Variants in GRIK4 observed in about 807,000 individuals in gnomAD.
GRIK4 encodes glutamate receptor ionotropic, kainate 4.
GRIK4 carries 40 observed loss-of-function variants against 104.9 expected under a neutral mutation model. That is an observed-to-expected ratio of 0.38 (90% confidence interval 0.30 to 0.50). GRIK4 has a LOEUF of 0.50. Ranked by LOEUF, GRIK4 falls within the 20% of genes least tolerant of loss-of-function variation. The pLI, the probability that GRIK4 is intolerant of heterozygous loss-of-function variation, is 0.93. For missense variants in GRIK4, 1,047 were observed against 1,308.1 expected, an observed-to-expected ratio of 0.80 and a Z score of 3.08; for synonymous variants, 485 against 524.9, an observed-to-expected ratio of 0.92 and a Z score of 1.04.
chr11:120,874,979 T>A lies in GRIK4; in HGVS notation c.1060-160T>A, dbSNP rs530824534. On this transcript the variant is annotated intron_variant, in intron 10 of 20. Transcript: ENST00000527524. ...GAATTGTCTCCACAGACATCACATT[T>A]GTCATCTCAAGATGCCTTGGCTGTG... 2.2e-4 allele frequency among the ~76,000 whole-genome samples: 33 copies of A among 152,324 alleles called. No individual in the cohort carries two copies. The South Asian group carries it at 6.8e-3, about 32-fold the overall frequency.
intron 1 of GRIK4, among the ~76,000 whole-genome samples, chr11:120,563,415 G>T (rs1009323054): frequency 6.6e-6 from 1 of 152,146 alleles, no homozygotes; most frequent in Non-Finnish European, 1.5e-5. Flanking sequence ...TAAAAAGAGA[G>T]AAACAATCCC....
At chr11:120,957,256 T>G (rs1944176856) in intron 16 of GRIK4, among the ~76,000 whole-genome samples, 1 of 152,244 alleles carries the variant, frequency 6.6e-6, no homozygotes, top group South Asian at 2.1e-4. Context: ...GGTAACTTCC[T>G]GACCTGAAAA....
At chr11:120,835,786 C>T (rs1198841283) in intron 7 of GRIK4, among the ~76,000 whole-genome samples, 2 of 152,064 alleles carry the variant, frequency 1.3e-5, no homozygotes, top group East Asian at 1.9e-4. Flanking sequence ...GTGTCAGTTT[C>T]TATAGTACCT....
In GRIK4 at chr11:120,772,158, C is replaced by T. The variant is rs74535998; in HGVS notation, c.83-30535C>T. ...AGGAACTCTGCCCTAACAGGTCTAG[C>T]GGCCAGAGCCTTGAGTCAGAAGATT... On this transcript the variant is annotated intron_variant, in intron 3 of 20. Transcript: ENST00000527524. 6.9e-3 allele frequency among the ~76,000 whole-genome samples: 1,051 copies of T among 152,288 alleles called. 12 individuals carry two copies. The highest frequency in any genetic ancestry group is 0.024 in the African/African-American group (1,013 of 41,546).
chr11:120,736,307 T>C (rs1951219622), intron 3 of GRIK4, among the ~76,000 whole-genome samples: 1 of 152,122 alleles, frequency 6.6e-6, no homozygotes, highest in African/African-American at 2.4e-5. Context: ...GTAACTAAGA[T>C]GCAAGACAAA....
chr11:120,564,066 G>C (rs573407428), intron 1 of GRIK4, among the ~76,000 whole-genome samples: 2 of 152,228 alleles, frequency 1.3e-5, no homozygotes, highest in African/African-American at 2.4e-5. Flanking sequence ...AAGTTGGGGT[G>C]GGGGAGGCAA....
chr11:120,772,841 G>T (rs1306293061), intron 3 of GRIK4, among the ~76,000 whole-genome samples: 1 of 151,972 alleles, frequency 6.6e-6, no homozygotes, highest in Non-Finnish European at 1.5e-5. Flanking sequence ...GTGGGTCCAA[G>T]TGCTGGTGCA....
chr11:120,512,871 G>C (rs1947680529), intron 1 of GRIK4, among the ~76,000 whole-genome samples: 1 of 152,110 alleles, frequency 6.6e-6, no homozygotes, highest in African/African-American at 2.4e-5. Context: ...TGGGGTGGTG[G>C]AGGAGGCGGC....
In GRIK4 at chr11:120,524,402, G is replaced by T. The variant is rs1947835927; in HGVS notation, c.-159+12515G>T. On this transcript the variant is annotated intron_variant, in intron 1 of 20. Transcript: ENST00000527524. The surrounding 1 kb of genome is among the most constrained non-coding windows in gnomAD (Gnocchi z 4.5). ...GATGGGCCGCCTTCGACTCGCAGAT[G>T]TATGGGATTGAAAAGTCAATTGTGT... is the stretch of plus-strand genomic sequence containing the variant. Among the ~76,000 whole-genome samples the T allele has an allele frequency of 6.6e-6, 1 of 152,216 alleles. No homozygotes were observed. Among genetic ancestry groups the T allele is most frequent in the African/African-American group, 2.4e-5 (1 of 41,460 alleles).
At chr11:120,809,820 C>T (rs1208232828) in intron 4 of GRIK4, among the ~76,000 whole-genome samples, 3 of 152,184 alleles carry the variant, frequency 2.0e-5, no homozygotes, top group East Asian at 1.9e-4. Context: ...AATCCCATCA[C>T]TTCGGGAGGC....
chr11:120,964,575 G>A (rs899094996), intron 18 of GRIK4, among the ~76,000 whole-genome samples: 3 of 152,160 alleles, frequency 2.0e-5, no homozygotes, highest in Admixed American at 2.0e-4. Flanking sequence ...GGCACACATT[G>A]ATGATACTCT....
chr11:120,554,965 G>A (rs1443814505), intron 1 of GRIK4, among the ~76,000 whole-genome samples: 2 of 152,194 alleles, frequency 1.3e-5, no homozygotes, highest in East Asian at 3.9e-4. Flanking sequence ...GGACGGCACT[G>A]GAGGAGGTAG....
intron 3 of GRIK4, among the ~76,000 whole-genome samples, chr11:120,672,667 A>G (rs546559342): frequency 6.6e-6 from 1 of 152,192 alleles, no homozygotes; most frequent in African/African-American, 2.4e-5. Context: ...TTGTATTCCT[A>G]GGTATTTTAT....
intron 6 of GRIK4, among the ~76,000 whole-genome samples, chr11:120,828,759 C>T (rs1484166156): frequency 6.6e-6 from 1 of 152,162 alleles, no homozygotes; most frequent in East Asian, 1.9e-4. Flanking sequence ...CCCCGCCCCG[C>T]GTCTCAGCAC....
chr11:120,725,862 G>A (rs1951019742), intron 3 of GRIK4, among the ~76,000 whole-genome samples: 1 of 152,200 alleles, frequency 6.6e-6, no homozygotes. Flanking sequence ...TACATACCAG[G>A]TGTTATCCTT....
At chr11:120,824,235 G>A (rs1466224402) in intron 6 of GRIK4, among the ~76,000 whole-genome samples, 1 of 152,120 alleles carries the variant, frequency 6.6e-6, no homozygotes, top group Non-Finnish European at 1.5e-5. Flanking sequence ...TTTCTTTAAT[G>A]GGAAAAAAAG....
intron 11 of GRIK4, among the ~76,000 whole-genome samples, chr11:120,888,419 T>G (rs893189369): frequency 4.6e-5 from 7 of 152,116 alleles, no homozygotes; most frequent in Admixed American, 3.3e-4. Context: ...TTGGGAAGAT[T>G]AGATGAGATG....
intron 4 of GRIK4, among the ~76,000 whole-genome samples, chr11:120,812,247 G>C (rs1233819618): frequency 6.6e-6 from 1 of 152,162 alleles, no homozygotes. Context: ...GGATGACTGT[G>C]GCTTTGAGCT....
chr11:120,695,170 G>T (rs897437585), intron 3 of GRIK4, among the ~76,000 whole-genome samples: 30 of 152,060 alleles, frequency 2.0e-4, no homozygotes, highest in Non-Finnish European at 3.1e-4. Flanking sequence ...CCAGGAGCAT[G>T]GGGGGTGTTC....
Sources: allele counts gnomAD v4.1 joint callset (sites outside exome capture counted in the v4.1 genomes callset), GRCh38; gene constraint gnomAD v4.1.1; non-coding constraint Gnocchi (gnomAD v3.1); transcripts MANE v1.5; gene names NCBI Gene and HGNC (gene_info 2026-07-23, HGNC 2026-07-21).